TBC1D22A: variants seen among roughly 807,000 people sequenced by gnomAD.
The protein encoded by TBC1D22A is putative GTPase activator.
Under a neutral mutation model 60.2 loss-of-function variants are expected in TBC1D22A, and 38 were observed. That is an observed-to-expected ratio of 0.63 (90% confidence interval 0.49 to 0.83). The LOEUF is 0.83. Among genes scored for constraint, TBC1D22A ranks in the 40% least tolerant of loss-of-function variants. The pLI is 0.00. For missense variants in TBC1D22A, 628 were observed against 701.0 expected, an observed-to-expected ratio of 0.90 and a Z score of 1.18; for synonymous variants, 302 against 281.7, an observed-to-expected ratio of 1.07 and a Z score of -0.72.
At chr22:47,157,065 G>A (rs1275187593) in intron 12 of TBC1D22A, among the ~76,000 whole-genome samples, 1 of 152,244 alleles carries the variant, frequency 6.6e-6, no homozygotes, top group African/African-American at 2.4e-5. Flanking sequence ...TGCCCCCGGT[G>A]TGCAGGTGAT....
At chr22:46,982,318 G>A (rs1172693987) in intron 9 of TBC1D22A, among the ~76,000 whole-genome samples, 2 of 151,814 alleles carry the variant, frequency 1.3e-5, no homozygotes, top group Admixed American at 1.3e-4. Context: ...CTGCCTCCCG[G>A]GTTCAAGCAA....
chr22:47,043,481 C>T (rs577175128), intron 11 of TBC1D22A, among the ~76,000 whole-genome samples: 2 of 152,250 alleles, frequency 1.3e-5, no homozygotes, highest in African/African-American at 2.4e-5. Context: ...GAGTGAGGGC[C>T]CTATCTAAGG....
chr22:46,825,447 A>G (rs2086012594), intron 4 of TBC1D22A, among the ~76,000 whole-genome samples: 1 of 152,128 alleles, frequency 6.6e-6, no homozygotes, highest in South Asian at 2.1e-4. Flanking sequence ...ATTATATAAT[A>G]CCCACTTGCC....
intron 9 of TBC1D22A, among the ~76,000 whole-genome samples, chr22:46,982,846 A>G (rs1428803080): frequency 2.0e-5 from 3 of 152,188 alleles, no homozygotes; most frequent in Admixed American, 6.5e-5. Context: ...CATGCAGAGC[A>G]AGTGCCCAGT....
At chr22:47,042,630 C>A (rs977050538) in intron 11 of TBC1D22A, among the ~76,000 whole-genome samples, 6 of 152,188 alleles carry the variant, frequency 3.9e-5, no homozygotes, top group African/African-American at 1.4e-4. Context: ...CAGCCAGGGG[C>A]ATGGGGCAGA....
intron 9 of TBC1D22A, among the ~76,000 whole-genome samples, chr22:46,978,904 C>T (rs547093264): frequency 3.5e-4 from 53 of 152,278 alleles, no homozygotes; most frequent in African/African-American, 1.1e-3. Flanking sequence ...CCACCGCGCC[C>T]GGCCAGGAAG....
intron 11 of TBC1D22A, among the ~76,000 whole-genome samples, chr22:47,062,990 T>C (rs536363719): frequency 6.6e-6 from 1 of 151,916 alleles, no homozygotes; most frequent in African/African-American, 2.4e-5. Flanking sequence ...CGCAGGAACA[T>C]GGAAACAGGG....
intron 11 of TBC1D22A, among the ~76,000 whole-genome samples, chr22:47,106,881 C>T (rs748550300): frequency 6.6e-6 from 1 of 151,962 alleles, no homozygotes; most frequent in Non-Finnish European, 1.5e-5. Context: ...TTCAGTGAGC[C>T]GAGATCATGC....
chr22:46,809,857 C>G (rs1176829248), intron 4 of TBC1D22A, among the ~76,000 whole-genome samples: 1 of 152,146 alleles, frequency 6.6e-6, no homozygotes, highest in Non-Finnish European at 1.5e-5. Context: ...GGCCATGAAA[C>G]TATATAGATG....
intron 11 of TBC1D22A, among the ~76,000 whole-genome samples, chr22:47,080,807 C>G (rs945604701): frequency 2.6e-5 from 4 of 151,918 alleles, no homozygotes; most frequent in Admixed American, 2.0e-4. Flanking sequence ...AGGAGATCAA[C>G]AAAATCAAAA....
At chr22:47,124,427 C>T (rs1779027320) in intron 12 of TBC1D22A, among the ~76,000 whole-genome samples, 1 of 152,174 alleles carries the variant, frequency 6.6e-6, no homozygotes, top group Non-Finnish European at 1.5e-5. Context: ...ACGCCAGGCC[C>T]TCGAGCCAGC....
intron 6 of TBC1D22A, among the ~76,000 whole-genome samples, chr22:46,894,324 C>T (rs1417250774): frequency 6.6e-6 from 1 of 152,210 alleles, no homozygotes; most frequent in Non-Finnish European, 1.5e-5. Context: ...CAAAGGCTTC[C>T]TTTGAGAAAT....
At chr22:47,022,378 C>T (rs917625512) in intron 10 of TBC1D22A, among the ~76,000 whole-genome samples, 1 of 152,146 alleles carries the variant, frequency 6.6e-6, no homozygotes, top group African/African-American at 2.4e-5. Flanking sequence ...GAAAGCATTG[C>T]CTGGAGAGAG....
At chr22:47,147,061 G>A (rs563427472) in intron 12 of TBC1D22A, among the ~76,000 whole-genome samples, 54 of 152,328 alleles carry the variant, frequency 3.5e-4, no homozygotes, top group South Asian at 8.3e-4. Context: ...GGGCCGCTGC[G>A]CAGAAGGAAG....
At chr22:47,151,306 C>T (rs562875278) in intron 12 of TBC1D22A, among the ~76,000 whole-genome samples, 17 of 152,330 alleles carry the variant, frequency 1.1e-4, no homozygotes, top group African/African-American at 2.6e-4. Context: ...GGCTTCCCGG[C>T]GCACTCACGC....
chr22:47,152,048 T>C (rs2067525172), intron 12 of TBC1D22A, among the ~76,000 whole-genome samples: 1 of 152,186 alleles, frequency 6.6e-6, no homozygotes, highest in Admixed American at 6.5e-5. Flanking sequence ...CTCTGGGCTG[T>C]CTGCCTGCCT....
At chr22:46,904,163 CTA>C (rs2069268741) in intron 7 of TBC1D22A, among the ~76,000 whole-genome samples, 2 of 151,424 alleles carry the variant, frequency 1.3e-5, no homozygotes, top group African/African-American at 4.9e-5. Flanking sequence ...ACCTACCTAC[CTA>C]CCTACCTACC....
intron 4 of TBC1D22A, among the ~76,000 whole-genome samples, chr22:46,842,111 G>A (rs753268564): frequency 7.2e-5 from 11 of 152,166 alleles, no homozygotes; most frequent in Non-Finnish European, 1.6e-4. Context: ...ACAGGTATAG[G>A]TATTTTTGCT....
chr22:47,026,963 C>G (rs777965014), intron 10 of TBC1D22A, among the ~76,000 whole-genome samples: 4 of 152,156 alleles, frequency 2.6e-5, no homozygotes, highest in African/African-American at 4.8e-5. Flanking sequence ...AGTTGAAGGA[C>G]TTTGTTCACT....
Sources: allele counts gnomAD v4.1 joint callset (sites outside exome capture counted in the v4.1 genomes callset), GRCh38; gene constraint gnomAD v4.1.1; transcripts MANE v1.5; gene names NCBI Gene and HGNC (gene_info 2026-07-23, HGNC 2026-07-21).